WDR4: variants seen among roughly 807,000 people sequenced by gnomAD.
WDR4 encodes WDR4 tRNA N7-guanosine methyltransferase non-catalytic subunit.
WDR4 carries 47 observed loss-of-function variants against 48.6 expected under a neutral mutation model. The observed-to-expected ratio is 0.97, with a 90% CI of 0.77 to 1.23. The LOEUF is 1.23. Among genes scored for constraint, WDR4 ranks in the 50% most tolerant of loss-of-function variants. The probability of loss-of-function intolerance (pLI) is 0.00; values close to 1 mark genes in which losing one functional copy is unlikely to be tolerated. For synonymous variants in WDR4, 268 were observed against 230.0 expected, an observed-to-expected ratio of 1.17 and a Z score of -1.49; for missense variants, 606 against 551.6, an observed-to-expected ratio of 1.10 and a Z score of -0.99.
At chr21:42,856,888 A>T (rs2058007125) in intron 6 of WDR4, among the ~76,000 whole-genome samples, 1 of 152,116 alleles carries the variant, frequency 6.6e-6, no homozygotes, top group Admixed American at 6.5e-5. Context: ...CCTCTCTACG[A>T]AGACAAGAAA....
At chr21:42,873,491 G>A in intron 3 of WDR4, 60 bp downstream of exon 3, 1 of 1,599,302 alleles carries the variant, frequency 6.3e-7, no homozygotes, top group Non-Finnish European at 8.5e-7. Context: ...TATTGCTACA[G>A]GCATGCAAGG....
At chr21:42,883,529 ATTAAG>A (rs939563214), upstream of WDR4, 2 of 153,704 alleles carry the variant, frequency 1.3e-5, no homozygotes, top group Admixed American at 6.6e-5. Context: ...TTCTAATGTG[ATTAAG>A]TTAAGGATTG....
intron 3 of WDR4, among the ~76,000 whole-genome samples, chr21:42,866,430 G>A (rs753337061): frequency 6.6e-6 from 1 of 152,196 alleles, no homozygotes; most frequent in Non-Finnish European, 1.5e-5. Flanking sequence ...CAGGGCCTCA[G>A]TGAAATGCAG....
intron 6 of WDR4, among the ~76,000 whole-genome samples, chr21:42,859,336 G>C (rs1400354973): frequency 5.3e-5 from 8 of 152,184 alleles, no homozygotes; most frequent in Admixed American, 5.2e-4. Context: ...AAGAGTCAGA[G>C]AAGCCCCCGT....
At chr21:42,873,424 A>G in intron 3 of WDR4, 127 bp downstream of exon 3, 1 of 1,355,942 alleles carries the variant, frequency 7.4e-7, no homozygotes, top group Non-Finnish European at 1.0e-6. Context: ...GGTGTCTGGC[A>G]CTGAACTGCG....
chr21:42,890,096 A>AT, the WDR4 span, among the ~76,000 whole-genome samples: 2 of 151,506 alleles, frequency 1.3e-5, no homozygotes, highest in African/African-American at 4.9e-5. Flanking sequence ...AAATATATAT[A>AT]TTATATATAC....
At chr21:42,878,968 G>A in intron 1 of WDR4, 2 of 994,922 alleles carry the variant, frequency 2.0e-6, no homozygotes, top group East Asian at 1.1e-4. Flanking sequence ...TGAGCTCGCA[G>A]TGAGTAAGCC....
At chr21:42,890,774 C>A in the WDR4 span, among the ~76,000 whole-genome samples, 1 of 151,680 alleles carries the variant, frequency 6.6e-6, no homozygotes, top group Admixed American at 6.6e-5. Context: ...AAAATCTAGT[C>A]TACTATTTTC....
intron 3 of WDR4, among the ~76,000 whole-genome samples, chr21:42,873,299 T>C (rs1003702104): frequency 1.3e-5 from 2 of 152,156 alleles, no homozygotes; most frequent in Non-Finnish European, 2.9e-5. Context: ...AGCCCACTGA[T>C]CGGAGTCTGC....
intron 8 of WDR4, 102 bp from the exon 9 acceptor site, chr21:42,853,854 C>T: frequency 7.8e-7 from 1 of 1,281,544 alleles, no homozygotes; most frequent in Non-Finnish European, 1.1e-6. Flanking sequence ...GGTGCCACCT[C>T]AGGAGAGCCT....
At chr21:42,879,269 G>T in intron 1 of WDR4, 138 bp downstream of exon 1, 1 of 1,380,658 alleles carries the variant, frequency 7.2e-7, no homozygotes, top group Non-Finnish European at 9.4e-7. Flanking sequence ...TGCGGCGGAG[G>T]ACTCGTGGGC....
intron 2 of WDR4, among the ~76,000 whole-genome samples, chr21:42,876,216 C>CTTT (rs1491253275): frequency 1.6e-5 from 1 of 60,926 alleles, no homozygotes; most frequent in African/African-American, 7.1e-5. Context: ...TAACACTGTA[C>CTTT]TCTTTTTTTT....
intron 5 of WDR4, among the ~76,000 whole-genome samples, chr21:42,861,122 C>T (rs371692193): frequency 1.3e-5 from 2 of 151,826 alleles, no homozygotes; most frequent in Non-Finnish European, 2.9e-5. Context: ...CCAGCCTGGC[C>T]AACATAGTGA....
At chr21:42,885,031 T>A in the WDR4 span, among the ~76,000 whole-genome samples, 1 of 152,110 alleles carries the variant, frequency 6.6e-6, no homozygotes. Flanking sequence ...CCGCCTTGGC[T>A]TCCCAAATTG....
At chr21:42,868,216 T>C (rs1045760836) in intron 3 of WDR4, among the ~76,000 whole-genome samples, 2 of 152,144 alleles carry the variant, frequency 1.3e-5, no homozygotes, top group African/African-American at 4.8e-5. Flanking sequence ...GCCTCCGCGC[T>C]TCCATCAGGG....
intron 3 of WDR4, among the ~76,000 whole-genome samples, chr21:42,866,801 A>G (rs1293517080): frequency 2.0e-5 from 3 of 152,166 alleles, no homozygotes; most frequent in Admixed American, 6.5e-5. Context: ...CGATGCTGAA[A>G]AGTTCACAAA....
At chr21:42,851,412 C>T (rs1303066724) in intron 10 of WDR4, among the ~76,000 whole-genome samples, 4 of 152,192 alleles carry the variant, frequency 2.6e-5, no homozygotes, top group East Asian at 1.9e-4. Flanking sequence ...TGGCAGAAGG[C>T]GGCTGGGCCC....
Position 42,862,297 on chromosome 21 carries a change from C to G in WDR4, c.551G>C (p.Cys184Ser). 6.2e-7 allele frequency: 1 copy of G among 1,609,338 alleles called. No individual in the cohort carries two copies. Among genetic ancestry groups the G allele is most frequent in the Non-Finnish European group, 8.5e-7 (1 of 1,178,368 alleles). The change falls in exon 5 of 11, where the codon TGC (cysteine) becomes TCC (serine). Residue 184 changes from cysteine to serine, a missense_variant. By Grantham distance (112) the Cys-to-Ser change is moderately radical (BLOSUM62 -1). Coordinates refer to ENST00000398208, the MANE Select transcript of WDR4 (RefSeq NM_018669.6). This position sits in a 1 kb window ranked among gnomAD's most constrained non-coding sequence, Gnocchi z 4.3. Reference protein sequence around the residue: ...AAAPHSIESFCLGHTEFVSRI... With the variant: ...AAAPHSIESFSLGHTEFVSRI... ...GGGCACTCACTCTGTGTGCCCCAAG[C>G]AGAAGGACTCGATGCTATGGGGCGC...
chr21:42,886,246 C>T, the WDR4 span, among the ~76,000 whole-genome samples: 9 of 152,284 alleles, frequency 5.9e-5, no homozygotes, highest in Admixed American at 1.3e-4. Context: ...CATGAGCCAC[C>T]GTGCCCAGCC....
Sources: gnomAD v4.1 joint callset for allele counts (sites outside exome capture counted in the v4.1 genomes callset) on GRCh38, gnomAD v4.1.1 for gene constraint, Gnocchi (gnomAD v3.1) non-coding constraint, MANE v1.5 for transcripts, NCBI Gene and HGNC (gene_info 2026-07-23, HGNC 2026-07-21) for gene names.